The following RUNX2 variants were observed in gnomAD, a reference collection of about 807,000 sequenced individuals.
RUNX2 encodes the protein RUNX family transcription factor 2.
A neutral mutation model predicts 51.7 loss-of-function variants in RUNX2; 10 were observed. That is an observed-to-expected ratio of 0.19 (90% CI 0.12 to 0.33). The LOEUF (loss-of-function observed/expected upper bound fraction) is 0.33. RUNX2 is among the 10% of genes least tolerant of loss of function. The probability of loss-of-function intolerance (pLI) is 1.00; values close to 1 mark genes in which losing one functional copy is unlikely to be tolerated. For missense variants in RUNX2, 562 were observed against 691.3 expected (o/e 0.81, Z 2.10); for synonymous variants, 276 against 273.6 (o/e 1.01, Z -0.09).
At chr6:45,402,945 CA>C (rs1797746940) in intron 2 of RUNX2, among the ~76,000 whole-genome samples, 1 of 152,096 alleles carries the variant, frequency 6.6e-6, no homozygotes, top group African/African-American at 2.4e-5. Flanking sequence ...TTTGGAAAAA[CA>C]TAAAAGTATA....
At chr6:45,364,396 A>G (rs1794780601) in intron 2 of RUNX2, among the ~76,000 whole-genome samples, 1 of 152,196 alleles carries the variant, frequency 6.6e-6, no homozygotes, top group Admixed American at 6.5e-5. Flanking sequence ...CACAAGAGGA[A>G]GACACTTAAA....
At chr6:45,341,544 A>C (rs986405494) in intron 2 of RUNX2, among the ~76,000 whole-genome samples, 2 of 152,232 alleles carry the variant, frequency 1.3e-5, no homozygotes, top group South Asian at 4.1e-4. Flanking sequence ...ACAAATTTTC[A>C]TATTAGTTTT....
rs80053447 is a variant in RUNX2 at position 45,328,717 on chromosome 6, A to G, written c.-10A>G. 6.3e-7 allele frequency: 1 copy of G among 1,598,776 alleles called. No homozygotes were observed. Among genetic ancestry groups the G allele is most frequent in the South Asian group, 1.1e-5 (1 of 90,798 alleles). Reference sequence around the variant, plus strand: ...GGTACAAGTTCTATCTGAAAAAAAAAGGAGGGACTATGGCATCAAACAGCC... The same window carrying G: ...GGTACAAGTTCTATCTGAAAAAAAAGGGAGGGACTATGGCATCAAACAGCC... On this transcript the variant is annotated 5_prime_UTR_variant, in exon 2 of 9. Transcript: ENST00000647337.
chr6:45,543,082 T>C (rs879436976), intron 7 of RUNX2, among the ~76,000 whole-genome samples: 1 of 152,218 alleles, frequency 6.6e-6, no homozygotes, highest in Non-Finnish European at 1.5e-5. Flanking sequence ...TTTTTATTTA[T>C]CTAAAAATTC....
At chr6:45,507,022 A>G (rs1800989752) in intron 6 of RUNX2, among the ~76,000 whole-genome samples, 2 of 151,604 alleles carry the variant, frequency 1.3e-5, no homozygotes, top group African/African-American at 4.9e-5. Context: ...AGCCCCCGAA[A>G]ACTTGTAGGT....
At chr6:45,388,381 G>C (rs746180291) in intron 2 of RUNX2, among the ~76,000 whole-genome samples, 14 of 152,324 alleles carry the variant, frequency 9.2e-5, no homozygotes, top group African/African-American at 3.4e-4. Flanking sequence ...CCAGAGGCTT[G>C]TTAAATTGCA....
chr6:45,521,879 T>A (rs553488477), intron 7 of RUNX2, among the ~76,000 whole-genome samples: 1 of 152,314 alleles, frequency 6.6e-6, no homozygotes, highest in African/African-American at 2.4e-5. Context: ...TGGCCTTTGT[T>A]CTTTTGGTGA....
intron 5 of RUNX2, among the ~76,000 whole-genome samples, chr6:45,458,963 A>G (rs911750787): frequency 6.6e-6 from 1 of 152,198 alleles, no homozygotes; most frequent in African/African-American, 2.4e-5. Context: ...CTAAAACCTG[A>G]CAGTAACCTG....
At chr6:45,508,197 C>T (rs1018591783) in intron 6 of RUNX2, among the ~76,000 whole-genome samples, 3 of 150,666 alleles carry the variant, frequency 2.0e-5, no homozygotes, top group African/African-American at 7.3e-5. Flanking sequence ...CCCCATAACC[C>T]CATATGGCAG....
At chr6:45,476,440 C>A (rs1799958526) in intron 5 of RUNX2, among the ~76,000 whole-genome samples, 1 of 151,994 alleles carries the variant, frequency 6.6e-6, no homozygotes, top group Non-Finnish European at 1.5e-5. Context: ...ATCTTTGATG[C>A]TGACTCTGAT....
chr6:45,542,839 C>G (rs1463670933), intron 7 of RUNX2, among the ~76,000 whole-genome samples: 1 of 152,162 alleles, frequency 6.6e-6, no homozygotes, highest in Non-Finnish European at 1.5e-5. Flanking sequence ...TCAAAGAGGT[C>G]TGTCTAGCTG....
intron 6 of RUNX2, among the ~76,000 whole-genome samples, chr6:45,507,081 GCCAGGGTGTCA>G (rs917250428): frequency 6.6e-6 from 1 of 151,672 alleles, no homozygotes; most frequent in African/African-American, 2.4e-5. Context: ...ACTGCAGTCA[GCCAGGGTGTCA>G]CCTTAAGGCC....
chr6:45,377,613 G>A (rs1490701300), intron 2 of RUNX2, among the ~76,000 whole-genome samples: 1 of 152,130 alleles, frequency 6.6e-6, no homozygotes, highest in Non-Finnish European at 1.5e-5. Flanking sequence ...CTCCGGCGTA[G>A]ACCACGAAGA....
At chr6:45,518,812 CA>C in intron 7 of RUNX2, among the ~76,000 whole-genome samples, 1 of 152,254 alleles carries the variant, frequency 6.6e-6, no homozygotes, top group Non-Finnish European at 1.5e-5. Context: ...TCCTTTCCAT[CA>C]AAGAAAACTT....
intron 2 of RUNX2, among the ~76,000 whole-genome samples, chr6:45,413,937 G>T (rs1250047014): frequency 6.6e-6 from 1 of 152,054 alleles, no homozygotes; most frequent in South Asian, 2.1e-4. Flanking sequence ...AAAACTTAAG[G>T]GAGTTCCAAA....
intron 7 of RUNX2, among the ~76,000 whole-genome samples, chr6:45,533,888 CTTTTTTT>C (rs553154980): frequency 5.9e-4 from 64 of 108,100 alleles, no homozygotes; most frequent in African/African-American, 2.1e-3. Flanking sequence ...CCTGTTGAGA[CTTTTTTT>C]TTTTTTTTTT....
At chr6:45,433,718 G>A (rs1798606211) in intron 4 of RUNX2, among the ~76,000 whole-genome samples, 1 of 151,918 alleles carries the variant, frequency 6.6e-6, no homozygotes, top group African/African-American at 2.4e-5. Context: ...AGAAACAAAG[G>A]GTGTGCACTG....
chr6:45,365,125 T>C (rs933912253), intron 2 of RUNX2: 6 of 843,850 alleles, frequency 7.1e-6, no homozygotes, highest in Non-Finnish European at 1.1e-5. Context: ...GTTTTATAAA[T>C]GTTGTTATGT....
chr6:45,367,617 C>T (rs993218619), intron 2 of RUNX2, among the ~76,000 whole-genome samples: 1 of 152,156 alleles, frequency 6.6e-6, no homozygotes, highest in Non-Finnish European at 1.5e-5. Flanking sequence ...GCTGACAGAG[C>T]TATCTTCGAG....
Sources: allele counts gnomAD v4.1 joint callset (sites outside exome capture counted in the v4.1 genomes callset), GRCh38; gene constraint gnomAD v4.1.1; transcripts MANE v1.5; gene names NCBI Gene and HGNC (gene_info 2026-07-23, HGNC 2026-07-21).